CERS3: variants seen among roughly 807,000 people sequenced by gnomAD.
CERS3 encodes ceramide synthase 3.
In CERS3, 33 loss-of-function variants were observed where a neutral mutation model predicts 50.3. The observed-to-expected ratio is 0.66, with a 90% confidence interval of 0.50 to 0.88. The LOEUF is 0.88. Ranked by LOEUF, CERS3 falls within the 40% of genes least tolerant of loss-of-function variation. CERS3 has a pLI of 0.00. For synonymous variants in CERS3, 176 were observed against 155.2 expected, an observed-to-expected ratio of 1.13 and a Z score of -0.99; for missense variants, 470 against 460.3, an observed-to-expected ratio of 1.02 and a Z score of -0.19.
intron 1 of CERS3, among the ~76,000 whole-genome samples, chr15:100,524,905 T>C (rs2036742845): frequency 6.6e-6 from 1 of 152,198 alleles, no homozygotes; most frequent in African/African-American, 2.4e-5. Context: ...CAAATAGACC[T>C]TATCCCAGCA....
intron 11 of CERS3, among the ~76,000 whole-genome samples, chr15:100,434,294 T>C (rs2033288297): frequency 6.6e-6 from 1 of 152,180 alleles, no homozygotes; most frequent in African/African-American, 2.4e-5. Context: ...ACTGCTTTGC[T>C]CAGGACTTCC....
intron 11 of CERS3, among the ~76,000 whole-genome samples, chr15:100,431,603 C>T (rs368201156): frequency 1.1e-4 from 17 of 152,144 alleles, no homozygotes; most frequent in African/African-American, 3.9e-4. Flanking sequence ...AAAAATAGAC[C>T]CAGTAAATGG....
chr15:100,507,835 G>A (rs377472708), intron 2 of CERS3, among the ~76,000 whole-genome samples: 6 of 152,244 alleles, frequency 3.9e-5, no homozygotes, highest in East Asian at 1.9e-4. Flanking sequence ...CCGAGGCAGC[G>A]GCGGCCGTGA....
chr15:100,512,793 G>T (rs569453442), intron 2 of CERS3, among the ~76,000 whole-genome samples: 6 of 152,178 alleles, frequency 3.9e-5, no homozygotes, highest in Middle Eastern at 3.4e-3. Context: ...GGCCTCGGAA[G>T]TCCAAATGAG....
chr15:100,506,441 C>T (rs1232953898), intron 2 of CERS3, among the ~76,000 whole-genome samples: 4 of 144,934 alleles, frequency 2.8e-5, no homozygotes, highest in African/African-American at 7.7e-5. Flanking sequence ...CAAGTGCTGA[C>T]GGGGTGTGAA....
chr15:100,484,494 C>A, intron 5 of CERS3, 56 bp downstream of exon 5: 1 of 1,190,138 alleles, frequency 8.4e-7, no homozygotes, highest in Non-Finnish European at 1.3e-6. Flanking sequence ...TCTGCAAGGA[C>A]CACTCAGCTC....
At chr15:100,454,542 C>G (rs2034295386) in intron 11 of CERS3, among the ~76,000 whole-genome samples, 1 of 151,972 alleles carries the variant, frequency 6.6e-6, no homozygotes, top group African/African-American at 2.4e-5. Flanking sequence ...TCATCATATA[C>G]AAAAATCAAC....
intron 3 of CERS3, among the ~76,000 whole-genome samples, chr15:100,491,571 A>C (rs1198729054): frequency 2.6e-5 from 4 of 152,146 alleles, no homozygotes; most frequent in African/African-American, 9.7e-5. Flanking sequence ...ATTTTCCACT[A>C]TAATCTTTAT....
intron 9 of CERS3, among the ~76,000 whole-genome samples, chr15:100,469,980 G>A (rs925814705): frequency 3.9e-5 from 6 of 152,292 alleles, no homozygotes; most frequent in East Asian, 3.9e-4. Context: ...AGCTCTCGGG[G>A]TCCTGAACTG....
At chr15:100,428,922 G>A (rs529751996) in intron 11 of CERS3, among the ~76,000 whole-genome samples, 5 of 152,330 alleles carry the variant, frequency 3.3e-5, no homozygotes, top group Admixed American at 2.0e-4. Flanking sequence ...AGCCGGAGAA[G>A]AGTGGAATAA....
At chr15:100,503,285 T>C (rs1452242823) in intron 2 of CERS3, among the ~76,000 whole-genome samples, 2 of 152,212 alleles carry the variant, frequency 1.3e-5, no homozygotes, top group Admixed American at 1.3e-4. Flanking sequence ...AATGGTAGGT[T>C]ACAAATAAGT....
In CERS3 at chr15:100,475,334, C is replaced by G. The variant is rs148514286; in HGVS notation, c.609+752G>C. ...AACACAAACATTTAATCAAGCTAAA[C>G]TGGTTTATCTAATATTAAATGTCAT... On this transcript the variant is annotated intron_variant, in intron 8 of 11. Transcript: ENST00000679737. 7.5e-3 allele frequency among the ~76,000 whole-genome samples: 1,142 copies of G among 152,320 alleles called. 13 individuals are homozygous for G. The highest frequency in any genetic ancestry group is 0.012 in the Non-Finnish European group (837 of 68,030).
chr15:100,501,406 C>T (rs1236240915), intron 3 of CERS3, among the ~76,000 whole-genome samples: 4 of 152,210 alleles, frequency 2.6e-5, no homozygotes, highest in African/African-American at 9.6e-5. Context: ...CCAATAAGCT[C>T]TGTGGTCCGC....
chr15:100,529,937 T>C (rs1478599368), upstream of CERS3, among the ~76,000 whole-genome samples: 1 of 152,224 alleles, frequency 6.6e-6, no homozygotes, highest in Non-Finnish European at 1.5e-5. Context: ...CAGTTTCAAA[T>C]TCATTAAAGC....
chr15:100,472,935 T>C lies in CERS3; in HGVS notation c.727A>G (p.Ile243Val), dbSNP rs1486851035. The C allele has an allele frequency of 6.2e-7, 1 of 1,613,994 alleles. No homozygotes were observed. Among genetic ancestry groups the C allele is most frequent in the Admixed American group, 1.7e-5 (1 of 60,006 alleles). The change falls in exon 9 of 12, where the codon ATT (isoleucine) becomes GTT (valine). Residue 243 changes from isoleucine to valine, a missense_variant. Physicochemically the swap from Ile to Val is conservative, Grantham distance 29 (BLOSUM62 3). Transcript: ENST00000679737. ...TGGCAAACGTTTACCTCCAGCCAAA[T>C]GTCAGCCACATCGTGTACAATCATC... ...LVMIVHDVAD[I>V]WLESAKMFSY... is the part of the protein sequence containing the mutation.
intron 2 of CERS3, among the ~76,000 whole-genome samples, chr15:100,512,187 A>T (rs1012327223): frequency 1.3e-5 from 2 of 152,216 alleles, no homozygotes; most frequent in African/African-American, 4.8e-5. Context: ...TTGTCAAGTT[A>T]ATGCCTCTCA....
At chr15:100,487,636 C>G (rs1276492326) in intron 4 of CERS3, among the ~76,000 whole-genome samples, 1 of 152,246 alleles carries the variant, frequency 6.6e-6, no homozygotes, top group East Asian at 1.9e-4. Context: ...GTCGAATGGC[C>G]TAAAGGAGGA....
intron 9 of CERS3, among the ~76,000 whole-genome samples, chr15:100,472,098 C>T (rs2034987231): frequency 6.6e-6 from 1 of 152,226 alleles, no homozygotes; most frequent in African/African-American, 2.4e-5. Flanking sequence ...TAATTTCTTC[C>T]ATAGCAACCT....
At chr15:100,535,254 GT>G (rs1417655183) in intron 1 of CERS3, among the ~76,000 whole-genome samples, 2 of 152,124 alleles carry the variant, frequency 1.3e-5, no homozygotes, top group African/African-American at 4.8e-5. Flanking sequence ...TATAGACTTA[GT>G]TTCTCCACTT....
Sources: allele counts gnomAD v4.1 joint callset (sites outside exome capture counted in the v4.1 genomes callset), GRCh38; gene constraint gnomAD v4.1.1; transcripts MANE v1.5; gene names NCBI Gene and HGNC (gene_info 2026-07-23, HGNC 2026-07-21).